Variants in B3GALT1 observed in about 807,000 individuals in gnomAD.
B3GALT1 encodes UDP-Gal:betaGlcNAc beta 1,3-galactosyltransferase, polypeptide 1.
A neutral mutation model predicts 23.2 loss-of-function variants in B3GALT1; 10 were observed. The ratio of observed to expected loss-of-function variants is 0.43; its 90% CI spans 0.27 to 0.73. The LOEUF is 0.73. Among genes scored for constraint, B3GALT1 ranks in the 30% least tolerant of loss-of-function variants. The probability of loss-of-function intolerance (pLI) is 0.21; values close to 1 mark genes in which losing one functional copy is unlikely to be tolerated. For missense variants in B3GALT1, 299 were observed against 405.4 expected (o/e 0.74, Z 2.25); for synonymous variants, 156 against 141.5 (o/e 1.10, Z -0.73).
chr2:167,539,181 C>CTT (rs769704131), intron 2 of B3GALT1, among the ~76,000 whole-genome samples: 2 of 151,992 alleles, frequency 1.3e-5, no homozygotes, highest in Non-Finnish European at 2.9e-5. Context: ...TTATGCTCTA[C>CTT]TTTTTCCCCA....
intron 1 of B3GALT1, among the ~76,000 whole-genome samples, chr2:167,307,748 A>G (rs972553841): frequency 6.6e-6 from 1 of 151,968 alleles, no homozygotes; most frequent in South Asian, 2.1e-4. Flanking sequence ...TGTCTCTTCC[A>G]AGATCTTCCC....
At chr2:167,684,695 G>A (rs992615370) in intron 3 of B3GALT1, among the ~76,000 whole-genome samples, 5 of 152,180 alleles carry the variant, frequency 3.3e-5, no homozygotes, top group East Asian at 3.8e-4. Context: ...TAGCCACATA[G>A]CATTTTTCCT....
intron 4 of B3GALT1, among the ~76,000 whole-genome samples, chr2:167,839,460 C>G (rs1689579601): frequency 2.6e-5 from 4 of 152,212 alleles, no homozygotes; most frequent in Non-Finnish European, 5.9e-5. Context: ...ACCTAGGAAT[C>G]CAACTTACAA....
intron 3 of B3GALT1, among the ~76,000 whole-genome samples, chr2:167,653,186 A>G (rs1443865003): frequency 6.6e-6 from 1 of 152,216 alleles, no homozygotes; most frequent in African/African-American, 2.4e-5. Flanking sequence ...GTAGTCATTT[A>G]ATTTGTGTGG....
chr2:167,448,318 G>A (rs370915492), intron 1 of B3GALT1, among the ~76,000 whole-genome samples: 1 of 151,902 alleles, frequency 6.6e-6, no homozygotes, highest in African/African-American at 2.4e-5. Flanking sequence ...GGTCATTCTT[G>A]CAGGAGTAAG....
In B3GALT1 at chr2:167,318,294, T is replaced by A. The variant is rs547115074; in HGVS notation, c.-511+24960T>A. 2.6e-5 allele frequency among the ~76,000 whole-genome samples: 4 copies of A among 152,232 alleles called. No individual in the cohort carries two copies. The South Asian group carries it at 8.3e-4, about 31-fold the overall frequency. On this transcript the variant is annotated intron_variant, in intron 1 of 4. Coordinates refer to ENST00000392690, the MANE Select transcript of B3GALT1 (RefSeq NM_020981.4). ...GAGCCGAGATCACACCACTCCAGCC[T>A]GGCCAACAGAGCAAAACTCTGTCTC...
At chr2:167,427,231 C>G (rs1698635734) in intron 1 of B3GALT1, among the ~76,000 whole-genome samples, 1 of 152,100 alleles carries the variant, frequency 6.6e-6, no homozygotes, top group South Asian at 2.1e-4. Context: ...AGTGGTTACT[C>G]CTATGGGAAA....
At chr2:167,687,821 A>AATTTAAAC (rs1686641377) in intron 3 of B3GALT1, among the ~76,000 whole-genome samples, 2 of 152,300 alleles carry the variant, frequency 1.3e-5, no homozygotes, top group South Asian at 4.1e-4. Flanking sequence ...AACTTTAAAT[A>AATTTAAAC]AATTTAAACA....
intron 3 of B3GALT1, among the ~76,000 whole-genome samples, chr2:167,682,714 C>T (rs1012490115): frequency 2.0e-5 from 3 of 152,220 alleles, no homozygotes; most frequent in Non-Finnish European, 4.4e-5. Context: ...TCTCCACTTC[C>T]GCCCTCCCCA....
chr2:167,443,833 T>C (rs1698936870), intron 1 of B3GALT1, among the ~76,000 whole-genome samples: 1 of 152,202 alleles, frequency 6.6e-6, no homozygotes, highest in African/African-American at 2.4e-5. Flanking sequence ...TTTGACTTCC[T>C]CTTTTCCTAA....
intron 2 of B3GALT1, among the ~76,000 whole-genome samples, chr2:167,556,371 CTTATCTAT>C (rs889407523): frequency 3.3e-5 from 5 of 152,126 alleles, no homozygotes; most frequent in African/African-American, 1.2e-4. Context: ...AAAATCTCTA[CTTATCTAT>C]TTATCTATAA....
intron 1 of B3GALT1, among the ~76,000 whole-genome samples, chr2:167,483,164 A>G (rs1446488333): frequency 2.0e-5 from 3 of 150,998 alleles, no homozygotes; most frequent in African/African-American, 7.3e-5. Context: ...GTGGTGACGC[A>G]TGCCTGTAAT....
At chr2:167,669,633 A>G (rs1003759461) in intron 3 of B3GALT1, among the ~76,000 whole-genome samples, 2 of 152,238 alleles carry the variant, frequency 1.3e-5, no homozygotes, top group African/African-American at 4.8e-5. Flanking sequence ...TCTAAAATTT[A>G]TCATATATTT....
At chr2:167,589,794 T>C (rs1404279099) in intron 2 of B3GALT1, among the ~76,000 whole-genome samples, 2 of 152,186 alleles carry the variant, frequency 1.3e-5, no homozygotes, top group Non-Finnish European at 2.9e-5. Flanking sequence ...AGTTTTCTAA[T>C]AGCACAAAAT....
intron 2 of B3GALT1, among the ~76,000 whole-genome samples, chr2:167,621,552 A>G (rs879869259): frequency 3.3e-5 from 5 of 152,114 alleles, no homozygotes; most frequent in Non-Finnish European, 7.4e-5. Context: ...CAATTGAGGG[A>G]AAACGTATTA....
chr2:167,405,460 A>T, intron 1 of B3GALT1, among the ~76,000 whole-genome samples: 1 of 152,080 alleles, frequency 6.6e-6, no homozygotes, highest in East Asian at 1.9e-4. Flanking sequence ...ATCTTTCCTT[A>T]TTATAATGAA....
At position 167,566,081 on chromosome 2, in the gene B3GALT1, G is replaced by A. The variant is rs201284952; in HGVS notation, c.-410+75804G>A. 9.9e-5 allele frequency among the ~76,000 whole-genome samples: 15 copies of A among 152,110 alleles called. No homozygotes were observed. The East Asian group carries it at 1.9e-3, about 20-fold the overall frequency. On this transcript the variant is annotated intron_variant, in intron 2 of 4. Transcript: ENST00000392690. Reference sequence around the variant, plus strand: ...GTTTATTGCGGCACTATTCACAATAGCAAAGACTTGGAACAAACCCAAATG... The same window carrying A: ...GTTTATTGCGGCACTATTCACAATAACAAAGACTTGGAACAAACCCAAATG...
intron 2 of B3GALT1, among the ~76,000 whole-genome samples, chr2:167,512,712 C>T (rs1186976247): frequency 6.8e-6 from 1 of 146,594 alleles, no homozygotes; most frequent in African/African-American, 2.5e-5. Context: ...TCTTGGCTCA[C>T]TGCAACCTAC....
intron 3 of B3GALT1, among the ~76,000 whole-genome samples, chr2:167,658,616 A>C (rs1013035272): frequency 6.6e-5 from 10 of 152,028 alleles, no homozygotes; most frequent in Non-Finnish European, 1.5e-4. Flanking sequence ...AAGGGCTTTT[A>C]ATTTTTTTGG....
Sources: gnomAD v4.1 joint callset for allele counts (sites outside exome capture counted in the v4.1 genomes callset) on GRCh38, gnomAD v4.1.1 for gene constraint, MANE v1.5 for transcripts, NCBI Gene and HGNC (gene_info 2026-07-23, HGNC 2026-07-21) for gene names.